The following ROBO1 variants were observed in gnomAD, a reference collection of about 807,000 sequenced individuals.
ROBO1 encodes roundabout guidance receptor 1.
A neutral mutation model predicts 195.9 loss-of-function variants in ROBO1; 149 were observed. The ratio of observed to expected loss-of-function variants is 0.76; its 90% confidence interval spans 0.67 to 0.87. The LOEUF is 0.87. Ranked by LOEUF, ROBO1 falls within the 40% of genes least tolerant of loss-of-function variation. The pLI, the probability that ROBO1 is intolerant of heterozygous loss-of-function variation, is 0.00. For synonymous variants in ROBO1, 816 were observed against 733.2 expected, an observed-to-expected ratio of 1.11 and a Z score of -1.82; for missense variants, 1,933 against 2,068.3, an observed-to-expected ratio of 0.93 and a Z score of 1.27.
At chr3:79,104,652 G>A (rs995245805) in intron 3 of ROBO1, among the ~76,000 whole-genome samples, 14 of 151,418 alleles carry the variant, frequency 9.2e-5, no homozygotes, top group Admixed American at 4.0e-4. Flanking sequence ...ATACGAGTTC[G>A]GTACTATTCA....
intron 1 of ROBO1, among the ~76,000 whole-genome samples, chr3:79,726,504 A>G (rs537965004): frequency 3.9e-4 from 60 of 152,348 alleles, no homozygotes; most frequent in African/African-American, 1.4e-3. Context: ...GGCAGCTTGT[A>G]TGATCATTAT....
At chr3:79,607,760 C>T (rs1944535304) in intron 1 of ROBO1, among the ~76,000 whole-genome samples, 1 of 151,902 alleles carries the variant, frequency 6.6e-6, no homozygotes, top group Non-Finnish European at 1.5e-5. Flanking sequence ...AGATTTAATT[C>T]CTAAAATAAA....
chr3:79,226,497 T>A (rs1409381447), intron 2 of ROBO1, among the ~76,000 whole-genome samples: 4 of 152,030 alleles, frequency 2.6e-5, no homozygotes, highest in African/African-American at 9.7e-5. Flanking sequence ...ACAATTGTAT[T>A]TTTCCACAGA....
intron 8 of ROBO1, among the ~76,000 whole-genome samples, chr3:78,705,440 A>G (rs890306744): frequency 6.6e-6 from 1 of 152,218 alleles, no homozygotes; most frequent in African/African-American, 2.4e-5. Flanking sequence ...TCATTTTTCA[A>G]CAGATGAGAA....
intron 8 of ROBO1, 79 bp downstream of exon 8, chr3:78,714,318 T>A: frequency 1.4e-6 from 2 of 1,414,528 alleles, no homozygotes; most frequent in Non-Finnish European, 1.9e-6. Flanking sequence ...CATAGCCCTA[T>A]ACATAATATT....
At chr3:79,702,979 A>C (rs1947661385) in intron 1 of ROBO1, among the ~76,000 whole-genome samples, 1 of 152,028 alleles carries the variant, frequency 6.6e-6, no homozygotes, top group Middle Eastern at 3.4e-3. Flanking sequence ...ACTTTTACTG[A>C]GATCATGGTG....
At chr3:79,511,344 ATACTC>A (rs1260732529) in intron 2 of ROBO1, among the ~76,000 whole-genome samples, 9 of 152,188 alleles carry the variant, frequency 5.9e-5, no homozygotes, top group South Asian at 4.1e-4. Context: ...ATTAAATAAG[ATACTC>A]TACTCACTCA....
At chr3:78,744,488 G>A (rs572870775) in intron 5 of ROBO1, among the ~76,000 whole-genome samples, 6 of 152,268 alleles carry the variant, frequency 3.9e-5, no homozygotes, top group Non-Finnish European at 7.4e-5. Flanking sequence ...AAGAGCCTAC[G>A]CAGTTGGACA....
intron 4 of ROBO1, among the ~76,000 whole-genome samples, chr3:78,879,166 T>G (rs1576334058): frequency 6.6e-6 from 1 of 152,210 alleles, no homozygotes; most frequent in South Asian, 2.1e-4. Context: ...TTGGACTTAA[T>G]AAATATTAAT....
chr3:79,245,017 C>T (rs1369300866), intron 2 of ROBO1, among the ~76,000 whole-genome samples: 1 of 152,062 alleles, frequency 6.6e-6, no homozygotes, highest in Non-Finnish European at 1.5e-5. Context: ...TTGACTACCA[C>T]ACATGATTAA....
chr3:79,500,147 T>G (rs1296181707), intron 2 of ROBO1, among the ~76,000 whole-genome samples: 2 of 81,970 alleles, frequency 2.4e-5, no homozygotes, highest in South Asian at 7.9e-4. Flanking sequence ...TTTTTTTTTT[T>G]TGAGAAGAAG....
chr3:79,232,636 C>G lies in ROBO1; in HGVS notation c.89-107097G>C, dbSNP rs114803812. ...ACTTTTACAGAGAGAAAAATAAATC[C>G]CATCCACAAATGAAAGATTATTCAA... On this transcript the variant is annotated intron_variant, in intron 2 of 30. Transcript: ENST00000464233. Among the ~76,000 whole-genome samples the G allele has an allele frequency of 5.8e-3, 875 of 151,956 alleles. 9 individuals are homozygous for G. Among genetic ancestry groups the G allele is most frequent in the African/African-American group, 0.02 (832 of 41,480 alleles).
At chr3:79,469,209 T>C (rs1938134389) in intron 2 of ROBO1, among the ~76,000 whole-genome samples, 1 of 152,026 alleles carries the variant, frequency 6.6e-6, no homozygotes, top group Non-Finnish European at 1.5e-5. Flanking sequence ...AAAGAGTGAG[T>C]ATGTAAGTTA....
chr3:79,112,894 C>A (rs2079914402), intron 3 of ROBO1, among the ~76,000 whole-genome samples: 1 of 151,470 alleles, frequency 6.6e-6, no homozygotes, highest in Admixed American at 6.6e-5. Context: ...GCACATGTAC[C>A]CTAAAACTTA....
intron 4 of ROBO1, among the ~76,000 whole-genome samples, chr3:78,842,247 CAT>C (rs200642251): frequency 8.8e-6 from 1 of 113,230 alleles, no homozygotes; most frequent in African/African-American, 3.4e-5. Context: ...ATATATGAGC[CAT>C]ATATATATTT....
intron 2 of ROBO1, among the ~76,000 whole-genome samples, chr3:79,423,217 C>T (rs917660400): frequency 8.6e-5 from 13 of 152,046 alleles, no homozygotes; most frequent in Admixed American, 2.6e-4. Flanking sequence ...AAGAGGTAGT[C>T]TGAAAATAGA....
chr3:79,037,710 TGATTC>T (rs1472895336), intron 3 of ROBO1, among the ~76,000 whole-genome samples: 1 of 152,166 alleles, frequency 6.6e-6, no homozygotes, highest in Non-Finnish European at 1.5e-5. Flanking sequence ...AGTAAAATCT[TGATTC>T]TATTCTAAAA....
At position 79,367,055 on chromosome 3, in the gene ROBO1, AC is replaced by A. The variant is rs1342370992; in HGVS notation, c.88+222768del. Among the ~76,000 whole-genome samples the A allele has an allele frequency of 3.3e-5, 5 of 152,216 alleles. No homozygotes were observed. The South Asian group carries it at 1.0e-3, about 31-fold the overall frequency. ...ATCATTATCCATAAATTGCAGCTAT[AC>A]ATTATAATTATTTAATCTACATTTC... is the stretch of plus-strand genomic sequence containing the variant. On this transcript the variant is annotated intron_variant, in intron 2 of 30. Transcript: ENST00000464233.
At chr3:79,147,061 T>C (rs2080668053) in intron 2 of ROBO1, among the ~76,000 whole-genome samples, 1 of 152,014 alleles carries the variant, frequency 6.6e-6, no homozygotes, top group Non-Finnish European at 1.5e-5. Flanking sequence ...TGATCTAAAC[T>C]AGATAGCTGC....
Sources: allele counts gnomAD v4.1 joint callset (sites outside exome capture counted in the v4.1 genomes callset), GRCh38; gene constraint gnomAD v4.1.1; transcripts MANE v1.5; gene names NCBI Gene and HGNC (gene_info 2026-07-23, HGNC 2026-07-21).